KIAA1671: variants seen among roughly 807,000 people sequenced by gnomAD.
KIAA1671 encodes the protein KIAA1671, also known as uncharacterized protein KIAA1671.
Under a neutral mutation model 131.2 loss-of-function variants are expected in KIAA1671, and 52 were observed. The observed-to-expected ratio is 0.40, with a 90% CI of 0.32 to 0.50. KIAA1671 has a LOEUF of 0.50. KIAA1671 is among the 20% of genes least tolerant of loss of function. The probability of loss-of-function intolerance (pLI) is 0.73; values close to 1 mark genes in which losing one functional copy is unlikely to be tolerated. For missense variants in KIAA1671, 2,360 were observed against 2,364.2 expected, an observed-to-expected ratio of 1.00 and a Z score of 0.04; for synonymous variants, 1,003 against 961.6, an observed-to-expected ratio of 1.04 and a Z score of -0.80.
chr22:25,180,598 A>T (rs983611687), intron 9 of KIAA1671, among the ~76,000 whole-genome samples: 1 of 152,018 alleles, frequency 6.6e-6, no homozygotes, highest in Non-Finnish European at 1.5e-5. Flanking sequence ...TGACCTGCCC[A>T]CTCTATGTAG....
At chr22:25,170,254 A>G (rs909703042) in intron 6 of KIAA1671, among the ~76,000 whole-genome samples, 1 of 152,184 alleles carries the variant, frequency 6.6e-6, no homozygotes, top group African/African-American at 2.4e-5. Flanking sequence ...CATCTGTAAA[A>G]TGGGGATCGT....
At position 25,125,607 on chromosome 22, in the gene KIAA1671, G is replaced by A. The variant is rs77883257; in HGVS notation, c.4531-45213G>A. ...CGGGGCTGGATAATTCTCTGTCATA[G>A]GGAGCTGTCCTGGGCACTGTAGGAT... On this transcript the variant is annotated intron_variant, in intron 6 of 12. Transcript: ENST00000358431. Among the ~76,000 whole-genome samples, 174 of 152,328 alleles carry A rather than the reference G, an allele frequency of 1.1e-3. 4 individuals carry two copies. In the East Asian group the frequency reaches 0.03, roughly 26 times the overall value.
intron 6 of KIAA1671, among the ~76,000 whole-genome samples, chr22:25,104,503 G>A (rs945582301): frequency 6.6e-5 from 10 of 152,162 alleles, no homozygotes; most frequent in African/African-American, 1.9e-4. Flanking sequence ...AAGACTGAAC[G>A]TGCCCCGACT....
chr22:25,186,872 G>A (rs1312418120), intron 11 of KIAA1671, among the ~76,000 whole-genome samples: 1 of 152,222 alleles, frequency 6.6e-6, no homozygotes, highest in Non-Finnish European at 1.5e-5. Context: ...CAGAATTCTG[G>A]CTCCAGAGTC....
Position 25,177,273 on chromosome 22 carries a change from C to T in KIAA1671, c.4900-75C>T, listed in dbSNP as rs375162012. Reference sequence around the variant, plus strand: ...CTCATCTGTCAACGAAGCTGTGTACCGCCAACTGTGTTGTGGTACCCTCCA... The same window carrying T: ...CTCATCTGTCAACGAAGCTGTGTACTGCCAACTGTGTTGTGGTACCCTCCA... On this transcript the variant is annotated intron_variant, in intron 8 of 12. Transcript: ENST00000358431. 26 of 1,391,656 alleles carry T rather than the reference C, an allele frequency of 1.9e-5. No homozygotes were observed. The East Asian group carries it at 2.3e-4, about 12-fold the overall frequency. 86.2% of individuals were successfully genotyped at this position (1,391,656 alleles called of 1,614,324 possible).
chr22:25,028,924 A>G lies in KIAA1671; in HGVS notation c.925A>G (p.Thr309Ala). 6.4e-7 allele frequency: 1 copy of G among 1,551,654 alleles called. No individual in the cohort carries two copies. The highest frequency in any genetic ancestry group is 8.7e-7 in the Non-Finnish European group (1 of 1,146,996). The change falls in exon 3 of 13, where the codon ACA (threonine) becomes GCA (alanine). Residue 309 changes from threonine (T) to alanine (A), a missense_variant. This residue lies in a region of KIAA1671 where 1,185 missense variants were observed against 1,126.2 expected (regional missense o/e 1.05). Coordinates refer to ENST00000358431, the MANE Select transcript of KIAA1671 (RefSeq NM_001145206.2). ...GGTGGCCGATGAAGGAAGTGGACCC[A>G]CAGCAGGGGATATGGCTGGGCTAGA... ...RKVADEGSGP[T>A]AGDMAGLERP...
rs912620654 is a variant in KIAA1671 at position 25,187,352 on chromosome 22, C to T, written c.5342+2233C>T. ...TGACTGTTGATATCTGGGCATCTCT[C>T]CTTCCATTTTCTTTTTCTTTGTAAT... is the stretch of plus-strand genomic sequence containing the variant. On this transcript the variant is annotated intron_variant, in intron 11 of 12. Transcript: ENST00000358431. Among the ~76,000 whole-genome samples, 3 of 152,206 alleles carry T rather than the reference C, an allele frequency of 2.0e-5. No homozygotes were observed. In the South Asian group the frequency reaches 6.2e-4, roughly 32 times the overall value.
chr22:25,093,251 C>T (rs1259100395), intron 6 of KIAA1671, among the ~76,000 whole-genome samples: 1 of 152,096 alleles, frequency 6.6e-6, no homozygotes, highest in East Asian at 1.9e-4. Context: ...GGTGGAGGGG[C>T]CAGTTTTGAG....
Position 25,028,810 on chromosome 22 carries a change from C to T in KIAA1671, c.811C>T (p.Pro271Ser), listed in dbSNP as rs1371460755. 1 of 1,550,988 alleles carries T rather than the reference C, an allele frequency of 6.4e-7. No homozygotes were observed. Among genetic ancestry groups the T allele is most frequent in the African/African-American group, 1.4e-5 (1 of 73,076 alleles). Reference sequence around the variant, plus strand: ...CACAGTGGGCAAAGTGCCACCCACCCCTCCCGAGAAGACGTGGGTGAGGAA... The same window carrying T: ...CACAGTGGGCAAAGTGCCACCCACCTCTCCCGAGAAGACGTGGGTGAGGAA... ...AATVGKVPPT[P>S]PEKTWVRKPR... Residue 271 changes from proline to serine, a missense_variant, in exon 3 of 13, where the codon CCT becomes TCT. By Grantham distance (74) the Pro-to-Ser change is moderately conservative. This residue lies in a region of KIAA1671 where 1,185 missense variants were observed against 1,126.2 expected (regional missense o/e 1.05). Coordinates refer to ENST00000358431, the MANE Select transcript of KIAA1671 (RefSeq NM_001145206.2).
intron 6 of KIAA1671, among the ~76,000 whole-genome samples, chr22:25,133,295 A>G (rs1354189812): frequency 6.6e-6 from 1 of 152,222 alleles, no homozygotes; most frequent in African/African-American, 2.4e-5. Flanking sequence ...CACCAATGGT[A>G]AGATTTCCAC....
intron 1 of KIAA1671, among the ~76,000 whole-genome samples, chr22:24,996,205 GGTGTCTCGGTGGA>G (rs1463884051): frequency 1.3e-5 from 2 of 151,966 alleles, no homozygotes; most frequent in African/African-American, 4.8e-5. Context: ...GATAGAGCAG[GGTGTCTCGGTGGA>G]GGGCTCCCTC....
chr22:25,129,507 G>GAAAAA (rs768667507), intron 6 of KIAA1671, among the ~76,000 whole-genome samples: 2 of 130,866 alleles, frequency 1.5e-5, no homozygotes, highest in African/African-American at 5.5e-5. Flanking sequence ...GACTCCATCT[G>GAAAAA]AAAAAAAAAA....
intron 1 of KIAA1671, among the ~76,000 whole-genome samples, chr22:24,971,210 C>T (rs949682613): frequency 2.6e-5 from 4 of 152,212 alleles, no homozygotes; most frequent in Non-Finnish European, 5.9e-5. Context: ...CCTGCCTTGG[C>T]CTCCCAAAGT....
chr22:25,066,945 C>T (rs900645966), intron 6 of KIAA1671, among the ~76,000 whole-genome samples: 2 of 152,166 alleles, frequency 1.3e-5, no homozygotes, highest in Non-Finnish European at 2.9e-5. Context: ...TGGCCCCCTG[C>T]CATGGAGAAG....
intron 1 of KIAA1671, among the ~76,000 whole-genome samples, chr22:24,957,103 A>ATGGAC (rs1220078356): frequency 6.6e-6 from 1 of 152,146 alleles, no homozygotes; most frequent in Non-Finnish European, 1.5e-5. Flanking sequence ...TATGCTCTGT[A>ATGGAC]AGGGGTGGTA....
At position 25,038,753 on chromosome 22, in the gene KIAA1671, T is replaced by C; in HGVS notation, c.1630-7T>C. 6.6e-7 allele frequency: 1 copy of C among 1,520,092 alleles called. No homozygotes were observed. The highest frequency in any genetic ancestry group is 8.9e-7 in the Non-Finnish European group (1 of 1,126,074). The allele number at this position is 1,520,092 out of a possible 1,614,324, so 94.2% of individuals were successfully genotyped here. ...AGGTGTTTCTTTTTCTTTTTGTTTCTTTCCAGCAAAAGGAGGGGCACAGTT... is the reference window on the plus strand; with the variant it reads ...AGGTGTTTCTTTTTCTTTTTGTTTCCTTCCAGCAAAAGGAGGGGCACAGTT... On this transcript the variant is annotated splice_polypyrimidine_tract_variant and splice_region_variant and intron_variant, in intron 4 of 12. Transcript: ENST00000358431.
chr22:25,001,106 T>C (rs904431219), intron 1 of KIAA1671, among the ~76,000 whole-genome samples: 2 of 152,148 alleles, frequency 1.3e-5, no homozygotes, highest in Non-Finnish European at 2.9e-5. Flanking sequence ...TTTTTTCTTA[T>C]TGATTTATAG....
chr22:24,995,317 G>T (rs1027699237), intron 1 of KIAA1671, among the ~76,000 whole-genome samples: 1 of 150,670 alleles, frequency 6.6e-6, no homozygotes, highest in African/African-American at 2.5e-5. Flanking sequence ...CTCCCAAAGT[G>T]CTGGGATTAT....
At chr22:24,972,150 A>G (rs547889198) in intron 1 of KIAA1671, among the ~76,000 whole-genome samples, 1 of 152,250 alleles carries the variant, frequency 6.6e-6, no homozygotes, top group African/African-American at 2.4e-5. Context: ...GCAGACCAAC[A>G]TTATGCAAAA....
Sources: gnomAD v4.1 joint callset for allele counts (sites outside exome capture counted in the v4.1 genomes callset) on GRCh38, gnomAD v4.1.1 for gene constraint, gnomAD v4.1.1 regional missense constraint, MANE v1.5 for transcripts, NCBI Gene and HGNC (gene_info 2026-07-23, HGNC 2026-07-21) for gene names.